The following UBAC2 variants were observed in gnomAD, a reference collection of about 807,000 sequenced individuals.
The protein encoded by UBAC2 is UBA domain containing 2, also known as ubiquitin-associated domain-containing protein 2.
UBAC2 carries 26 observed loss-of-function variants against 44.0 expected under a neutral mutation model. That is an observed-to-expected ratio of 0.59 (90% CI 0.43 to 0.82). UBAC2 has a LOEUF of 0.82. Among genes scored for constraint, UBAC2 ranks in the 40% least tolerant of loss-of-function variants. The pLI is 0.00. For missense variants in UBAC2, 329 were observed against 419.4 expected (o/e 0.78, Z 1.88); for synonymous variants, 155 against 154.3 (o/e 1.00, Z -0.04).
In UBAC2 at chr13:99,321,390, C is replaced by G. The variant is rs572465220; in HGVS notation, c.561+3321C>G. On this transcript the variant is annotated intron_variant, in intron 6 of 8. Transcript: ENST00000403766. Reference sequence around the variant, plus strand: ...GTGGCATGATCTTGGCTCACTGCAACCACTGCCTCCCGGGTTCAAGTGATT... The same window carrying G: ...GTGGCATGATCTTGGCTCACTGCAAGCACTGCCTCCCGGGTTCAAGTGATT... Among the ~76,000 whole-genome samples the G allele has an allele frequency of 2.6e-5, 4 of 152,270 alleles. No individual in the cohort carries two copies. In the East Asian group the frequency reaches 7.7e-4, roughly 29 times the overall value.
At chr13:99,254,723 A>G in intron 4 of UBAC2, 1 of 617,996 alleles carries the variant, frequency 1.6e-6, no homozygotes, top group Non-Finnish European at 2.7e-6. Context: ...TGAATAATTC[A>G]CAAAAATGTT....
At chr13:99,371,491 G>C (rs1000694532) in intron 8 of UBAC2, among the ~76,000 whole-genome samples, 11 of 152,100 alleles carry the variant, frequency 7.2e-5, no homozygotes, top group Admixed American at 7.2e-4. Flanking sequence ...AGATAAAAAA[G>C]ATACTGTTGT....
At chr13:99,201,522 C>T in intron 1 of UBAC2, 2 of 1,614,184 alleles carry the variant, frequency 1.2e-6, no homozygotes, top group Non-Finnish European at 1.7e-6. Flanking sequence ...CGCAGCTGTG[C>T]TGCTGGATGT....
chr13:99,300,809 C>T (rs1427491539), intron 4 of UBAC2, among the ~76,000 whole-genome samples: 1 of 152,162 alleles, frequency 6.6e-6, no homozygotes, highest in African/African-American at 2.4e-5. Flanking sequence ...CTGGGTTCCT[C>T]CTCATACACA....
intron 4 of UBAC2, among the ~76,000 whole-genome samples, chr13:99,309,014 T>C (rs1336916455): frequency 1.3e-5 from 2 of 152,220 alleles, no homozygotes; most frequent in Non-Finnish European, 2.9e-5. Context: ...GGGTTTTGCC[T>C]GTTAATTTTG....
intron 4 of UBAC2, among the ~76,000 whole-genome samples, chr13:99,247,355 C>T (rs566861375): frequency 5.3e-5 from 8 of 151,756 alleles, no homozygotes; most frequent in African/African-American, 1.9e-4. Context: ...GCTGGGACTA[C>T]AGGCGCCCGC....
At chr13:99,296,268 CTG>C in intron 4 of UBAC2, 1 of 880,484 alleles carries the variant, frequency 1.1e-6, no homozygotes, top group Non-Finnish European at 1.6e-6. Context: ...GCAATCCAAA[CTG>C]TCTTTTATAT....
At chr13:99,233,197 C>T (rs952582143) in intron 1 of UBAC2, among the ~76,000 whole-genome samples, 1 of 151,636 alleles carries the variant, frequency 6.6e-6, no homozygotes, top group African/African-American at 2.4e-5. Flanking sequence ...ACTGCAACCT[C>T]CACTACCCGG....
chr13:99,367,986 A>G, intron 8 of UBAC2, 80 bp downstream of exon 8: 1 of 1,528,736 alleles, frequency 6.5e-7, no homozygotes. Context: ...AGGACTCAAA[A>G]GTAATCAAGC....
At chr13:99,320,928 G>C (rs1244762141) in intron 6 of UBAC2, among the ~76,000 whole-genome samples, 1 of 152,144 alleles carries the variant, frequency 6.6e-6, no homozygotes, top group East Asian at 1.9e-4. Flanking sequence ...CCTTTTTGGG[G>C]AGATATTTAT....
intron 2 of UBAC2, among the ~76,000 whole-genome samples, chr13:99,240,629 C>CAGA (rs2043288576): frequency 6.6e-6 from 1 of 152,138 alleles, no homozygotes; most frequent in African/African-American, 2.4e-5. Context: ...TTCCTATGTG[C>CAGA]TCTCGTGTAC....
intron 7 of UBAC2, among the ~76,000 whole-genome samples, chr13:99,347,319 G>GCCCCCCCC: frequency 4.9e-5 from 1 of 20,554 alleles, no homozygotes; most frequent in East Asian, 1.5e-3. Context: ...ATCCCCGGGC[G>GCCCCCCCC]CCCCCCCCCC....
chr13:99,309,791 G>T (rs2044388160), intron 4 of UBAC2, among the ~76,000 whole-genome samples: 1 of 151,996 alleles, frequency 6.6e-6, no homozygotes, highest in Non-Finnish European at 1.5e-5. Flanking sequence ...TTGTGTGTGT[G>T]TGTGGAGACA....
intron 6 of UBAC2, among the ~76,000 whole-genome samples, chr13:99,335,258 G>T (rs1265902295): frequency 6.6e-6 from 1 of 152,064 alleles, no homozygotes; most frequent in East Asian, 1.9e-4. Flanking sequence ...ATTTTGTTAT[G>T]TTTATAACAT....
In UBAC2 at chr13:99,244,581, T is replaced by A. The variant is rs1165965218; in HGVS notation, c.346T>A (p.Tyr116Asn). 6.2e-7 allele frequency: 1 copy of A among 1,613,388 alleles called. No homozygotes were observed. The highest frequency in any genetic ancestry group is 8.5e-7 in the Non-Finnish European group (1 of 1,179,508). The change falls in exon 4 of 9, where the codon TAT (tyrosine) becomes AAT (asparagine). Residue 116 changes from tyrosine (Y) to asparagine (N), a missense_variant. Transcript: ENST00000403766. ...CTTTCTCCTCATTGAAGCTATGCAGTATTTCTTTGGCATCACTGCAGCTAG... is the reference window on the plus strand; with the variant it reads ...CTTTCTCCTCATTGAAGCTATGCAGAATTTCTTTGGCATCACTGCAGCTAG... Reference protein sequence around the residue: ...FDFLLIEAMQYFFGITAASNL... With the variant: ...FDFLLIEAMQNFFGITAASNL...
intron 6 of UBAC2, among the ~76,000 whole-genome samples, chr13:99,337,771 A>T (rs1178505517): frequency 6.6e-6 from 1 of 151,968 alleles, no homozygotes; most frequent in South Asian, 2.1e-4. Flanking sequence ...TGCCCTACAC[A>T]GCTTTTCCCT....
rs371801276 is a variant in UBAC2, at chr13:99,310,765, C to G, written c.390-3332C>G. On this transcript the variant is annotated intron_variant, in intron 4 of 8. Transcript: ENST00000403766. ...TTCTACCAGTATTTTTTTTAGTTTA[C>G]GTTGAAATGTAACCTCAAAAAAGAA... is the stretch of plus-strand genomic sequence containing the variant. 6.6e-5 allele frequency among the ~76,000 whole-genome samples: 10 copies of G among 152,046 alleles called. No individual in the cohort carries two copies. In the East Asian group the frequency reaches 1.5e-3, roughly 24 times the overall value.
intron 6 of UBAC2, among the ~76,000 whole-genome samples, chr13:99,323,263 A>AT (rs1357972384): frequency 6.6e-6 from 1 of 152,058 alleles, no homozygotes; most frequent in Non-Finnish European, 1.5e-5. Context: ...GATTTGGATT[A>AT]TTTTCTAGTA....
intron 8 of UBAC2, among the ~76,000 whole-genome samples, chr13:99,376,506 C>T (rs1593988289): frequency 1.3e-5 from 2 of 152,378 alleles, no homozygotes; most frequent in Admixed American, 1.3e-4. Flanking sequence ...TTGCCATTGC[C>T]ACAGCACCAG....
Sources: allele counts gnomAD v4.1 joint callset (sites outside exome capture counted in the v4.1 genomes callset), GRCh38; gene constraint gnomAD v4.1.1; transcripts MANE v1.5; gene names NCBI Gene and HGNC (gene_info 2026-07-23, HGNC 2026-07-21).